The following KCNT1 variants were observed in gnomAD, a reference collection of about 807,000 sequenced individuals.
The protein encoded by KCNT1 is potassium channel subfamily T member 1.
KCNT1 carries 78 observed loss-of-function variants against 147.8 expected under a neutral mutation model. The observed-to-expected ratio is 0.53, with a 90% CI of 0.44 to 0.64. KCNT1 has a LOEUF of 0.64. Among genes scored for constraint, KCNT1 ranks in the 30% least tolerant of loss-of-function variants. KCNT1 has a pLI of 0.00. For synonymous variants in KCNT1, 867 were observed against 748.8 expected (o/e 1.16, Z -2.58); for missense variants, 1,419 against 1,750.3 (o/e 0.81, Z 3.38).
At chr9:135,775,453 A>G in intron 20 of KCNT1, 38 bp downstream of exon 20, 2 of 1,514,128 alleles carry the variant, frequency 1.3e-6, no homozygotes, top group Non-Finnish European at 1.8e-6. Context: ...GCACCCCCAG[A>G]CGCCAGCACC....
At position 135,777,682 on chromosome 9, in the gene KCNT1, A is replaced by ACTCCTCCTGCTCCCAG. The variant is rs991578830; in HGVS notation, c.2522+180_2522+195dup. On this transcript the variant is annotated intron_variant, in intron 21 of 30. Coordinates refer to ENST00000371757, the MANE Select transcript of KCNT1 (RefSeq NM_020822.3). ...AGGGGGACTCTCCTTCCTGCTCCCA[A>ACTCCTCCTGCTCCCAG]CTCCTCCTGCTCCCAGCTCCTCCCC... Among the ~76,000 whole-genome samples the ACTCCTCCTGCTCCCAG allele has an allele frequency of 2.1e-4, 31 of 149,454 alleles. No homozygotes were observed. The South Asian group carries it at 6.4e-3, about 31-fold the overall frequency.
chr9:135,757,696 C>A (rs575959840), intron 9 of KCNT1, among the ~76,000 whole-genome samples: 8 of 152,214 alleles, frequency 5.3e-5, no homozygotes, highest in Admixed American at 1.3e-4. Flanking sequence ...GGGCCACAAA[C>A]ACCAGGCCAC....
chr9:135,782,606 C>T (rs186502563), intron 24 of KCNT1, among the ~76,000 whole-genome samples: 4 of 152,248 alleles, frequency 2.6e-5, no homozygotes, highest in East Asian at 3.8e-4. Flanking sequence ...CTGAAGCCCT[C>T]CTGTCCAGAA....
chr9:135,760,525 G>C (rs1831846319), intron 11 of KCNT1, among the ~76,000 whole-genome samples: 1 of 152,178 alleles, frequency 6.6e-6, no homozygotes, highest in Non-Finnish European at 1.5e-5. Flanking sequence ...AGAGCCTGAG[G>C]AGGTGGCCAG....
chr9:135,748,318 C>T (rs1024097295), intron 2 of KCNT1, among the ~76,000 whole-genome samples: 2 of 152,122 alleles, frequency 1.3e-5, no homozygotes, highest in Admixed American at 6.5e-5. Flanking sequence ...AGGCCCCTCC[C>T]GCCCGCCCCA....
At chr9:135,720,195 C>T (rs867860705) in intron 2 of KCNT1, among the ~76,000 whole-genome samples, 1 of 151,912 alleles carries the variant, frequency 6.6e-6, no homozygotes, top group Non-Finnish European at 1.5e-5. Context: ...TCCATTCACC[C>T]GACCCTACCC....
intron 2 of KCNT1, among the ~76,000 whole-genome samples, chr9:135,722,995 T>C (rs1835985389): frequency 6.6e-6 from 1 of 152,204 alleles, no homozygotes; most frequent in African/African-American, 2.4e-5. Flanking sequence ...TCATTTCAAA[T>C]TCCTTAAACT....
In KCNT1 at chr9:135,793,094, C is replaced by A. The variant is rs1028938727; in HGVS notation, c.*933C>A. On this transcript the variant is annotated 3_prime_UTR_variant, in exon 31 of 31. Coordinates refer to ENST00000371757, the MANE Select transcript of KCNT1 (RefSeq NM_020822.3). ...GCTGCTGGTTCCTTACTGGTTTGTACGGTCAGCGCTGGAAACTTCTATTAA... is the reference window on the plus strand; with the variant it reads ...GCTGCTGGTTCCTTACTGGTTTGTAAGGTCAGCGCTGGAAACTTCTATTAA... 1 of 152,174 alleles carries A rather than the reference C, an allele frequency of 6.6e-6. No homozygotes were observed. The highest frequency in any genetic ancestry group is 2.4e-5 in the African/African-American group (1 of 41,422). The allele number at this position is 152,174 out of a possible 1,614,324, so 9.4% of individuals were successfully genotyped here. A position where few individuals can be genotyped will look rare whatever the true frequency, so the allele number is the denominator to read the frequency against.
rs750230295 is a variant in KCNT1 at position 135,757,370 on chromosome 9, G to C, written c.748G>C (p.Glu250Gln). 5 of 1,608,988 alleles carry C rather than the reference G, an allele frequency of 3.1e-6. No homozygotes were observed. In the South Asian group the frequency reaches 5.5e-5, roughly 18 times the overall value. ...CTGCTGGCTGGCCAAGCACGCGCTGGAAAACATGATTGTAAGCCGGGGCGG... is the reference window on the plus strand; with the variant it reads ...CTGCTGGCTGGCCAAGCACGCGCTGCAAAACATGATTGTAAGCCGGGGCGG... ...LNCWLAKHAL[E>Q]NMINDFHRAI... The change falls in exon 9 of 31, where the codon GAA becomes CAA. Residue 250 changes from glutamate to glutamine, a missense_variant. Glu to Gln is a conservative substitution (Grantham distance 29). This residue lies in a region of KCNT1 where 401 missense variants were observed against 610.6 expected (regional missense o/e 0.66). Coordinates refer to ENST00000371757, the MANE Select transcript of KCNT1 (RefSeq NM_020822.3).
At chr9:135,755,254 C>T (rs1831408032) in intron 6 of KCNT1, 85 bp downstream of exon 6, 11 of 1,240,842 alleles carry the variant, frequency 8.9e-6, no homozygotes, top group South Asian at 1.5e-5. Flanking sequence ...AAGTAGGGAA[C>T]CCAGGCTCGG....
At chr9:135,773,760 C>T (rs914686447) in intron 19 of KCNT1, among the ~76,000 whole-genome samples, 2 of 152,198 alleles carry the variant, frequency 1.3e-5, no homozygotes, top group African/African-American at 2.4e-5. Context: ...TGCTGGGAAA[C>T]AGCCCTGAAC....
chr9:135,754,227 C>A (rs908623702), intron 5 of KCNT1, among the ~76,000 whole-genome samples: 1 of 152,152 alleles, frequency 6.6e-6, no homozygotes, highest in African/African-American at 2.4e-5. Context: ...AGGGATAATG[C>A]CCAGCCTCAA....
chr9:135,709,411 C>T (rs990673079), intron 1 of KCNT1, among the ~76,000 whole-genome samples: 4 of 152,240 alleles, frequency 2.6e-5, no homozygotes, highest in Admixed American at 2.0e-4. Context: ...CATGCCTGGG[C>T]CTCCTCGGCC....
chr9:135,762,028 C>T (rs1393132813), intron 11 of KCNT1, among the ~76,000 whole-genome samples: 1 of 152,256 alleles, frequency 6.6e-6, no homozygotes, highest in African/African-American at 2.4e-5. Context: ...AGGGCCAAAT[C>T]GGGATGTGCA....
rs753401695 is a variant in KCNT1 at position 135,772,726 on chromosome 9, A to G, written c.2020A>G (p.Met674Val). Residue 674 changes from methionine to valine, a missense_variant, in exon 19 of 31, where the codon ATG (methionine) becomes GTG (valine). This residue lies in a region of KCNT1 where 284 missense variants were observed against 292.8 expected (regional missense o/e 0.97). Transcript: ENST00000371757. ...GGGCTCTCTTCCAGGGACAGTGGCC[A>G]TGGACCTGCAGGGCACAGAGCACCG... The part of the protein sequence containing the change: ...SIIASMGTVA[M>V]DLQGTEHRPT... 113 of 1,404,968 alleles carry G rather than the reference A, an allele frequency of 8.0e-5. No individual in the cohort carries two copies. The highest frequency in any genetic ancestry group is 1.0e-4 in the Non-Finnish European group (110 of 1,076,204). The allele number at this position is 1,404,968 out of a possible 1,614,324, so 87.0% of individuals were successfully genotyped here.
chr9:135,769,852 C>T (rs1279351299), intron 15 of KCNT1, 95 bp from the exon 16 acceptor site: 19 of 854,136 alleles, frequency 2.2e-5, no homozygotes, highest in Non-Finnish European at 2.8e-5. Context: ...GGCAAGGGTG[C>T]ATCTGCATAG....
rs182812237 is a variant in KCNT1 at position 135,746,206 on chromosome 9, C to A, written c.255-3892C>A. Among the ~76,000 whole-genome samples the A allele has an allele frequency of 6.1e-3, 929 of 152,338 alleles. 4 individuals carry two copies. Among genetic ancestry groups the A allele is most frequent in the Non-Finnish European group, 9.5e-3 (649 of 68,018 alleles). ...TCTGGCATCGCAGGCTCCAGTTTCT[C>A]AGGGAGTCTGCCAGGCCCCAGCGTT... On this transcript the variant is annotated intron_variant, in intron 2 of 30. Coordinates refer to ENST00000371757, the MANE Select transcript of KCNT1 (RefSeq NM_020822.3).
At chr9:135,720,575 TGAA>T (rs1835886004) in intron 2 of KCNT1, among the ~76,000 whole-genome samples, 1 of 150,786 alleles carries the variant, frequency 6.6e-6, no homozygotes, top group Non-Finnish European at 1.5e-5. Context: ...TGGCCCCTGC[TGAA>T]GAAGCAGGGG....
At chr9:135,769,891 G>A (rs1003094523) in intron 15 of KCNT1, 56 bp from the exon 16 acceptor site, 14 of 1,293,064 alleles carry the variant, frequency 1.1e-5, no homozygotes, top group Non-Finnish European at 1.2e-5. Flanking sequence ...AGGTACTGTG[G>A]GGGAGGAGAG....
Sources: allele counts gnomAD v4.1 joint callset (sites outside exome capture counted in the v4.1 genomes callset), GRCh38; gene constraint gnomAD v4.1.1; regional missense constraint gnomAD v4.1.1; transcripts MANE v1.5; gene names NCBI Gene and HGNC (gene_info 2026-07-23, HGNC 2026-07-21).